The following C2CD3 variants were observed in gnomAD, a reference collection of about 807,000 sequenced individuals.
C2CD3 encodes C2 domain-containing protein 3.
In C2CD3, 148 loss-of-function variants were observed where a neutral mutation model predicts 234.0. That is an observed-to-expected ratio of 0.63 (90% CI 0.55 to 0.72). C2CD3 has a LOEUF of 0.72. C2CD3 is among the 30% of genes least tolerant of loss of function. The pLI, the probability that C2CD3 is intolerant of heterozygous loss-of-function variation, is 0.00. For synonymous variants in C2CD3, 1,000 were observed against 1,035.4 expected (o/e 0.97, Z 0.66); for missense variants, 2,577 against 2,811.5 (o/e 0.92, Z 1.89).
chr11:74,050,282 T>C (rs17132632), intron 26 of C2CD3, among the ~76,000 whole-genome samples: 12,245 of 152,242 alleles, frequency 0.08, 1,491 homozygotes, highest in African/African-American at 0.27. Flanking sequence ...AACAAAGTGA[T>C]GCAAATTAAA....
At chr11:74,090,335 C>G (rs1955834432) in intron 20 of C2CD3, among the ~76,000 whole-genome samples, 1 of 152,146 alleles carries the variant, frequency 6.6e-6, no homozygotes, top group Non-Finnish European at 1.5e-5. Context: ...TCGAGATCAG[C>G]CTGACCAACA....
intron 2 of C2CD3, among the ~76,000 whole-genome samples, chr11:74,164,537 C>G (rs1331641170): frequency 6.6e-6 from 1 of 152,104 alleles, no homozygotes; most frequent in Non-Finnish European, 1.5e-5. Flanking sequence ...CTCTTTGAAC[C>G]TCAAATTCGT....
intron 5 of C2CD3, among the ~76,000 whole-genome samples, chr11:74,138,165 G>A (rs1043931544): frequency 2.0e-5 from 3 of 152,094 alleles, no homozygotes; most frequent in African/African-American, 7.2e-5. Flanking sequence ...CTTAACATGA[G>A]GTAATCTAAT....
chr11:74,059,957 A>G (rs1954151425), intron 24 of C2CD3, among the ~76,000 whole-genome samples: 1 of 152,282 alleles, frequency 6.6e-6, no homozygotes, highest in Admixed American at 6.5e-5. Context: ...CAAACGGCAC[A>G]CCAGGAGACT....
At chr11:74,166,083 A>C (rs952285155) in intron 2 of C2CD3, among the ~76,000 whole-genome samples, 1 of 151,982 alleles carries the variant, frequency 6.6e-6, no homozygotes, top group Non-Finnish European at 1.5e-5. Flanking sequence ...GGCTGAGGCG[A>C]GCAGATCGTG....
intron 32 of C2CD3, among the ~76,000 whole-genome samples, chr11:74,015,029 CT>C (rs1467889505): frequency 6.6e-6 from 1 of 152,236 alleles, no homozygotes; most frequent in Non-Finnish European, 1.5e-5. Flanking sequence ...AGGAAACCCA[CT>C]TTTTGCTGGT....
Position 74,034,313 on chromosome 11 carries a change from T to C in C2CD3, c.5882-35A>G, listed in dbSNP as rs1232336239. ...AACACATATCACTCTTATTACAAGG[T>C]AGGGCCACAGACCCCTCAAATTTCC... On this transcript the variant is annotated intron_variant, in intron 30 of 32. Coordinates refer to ENST00000334126, the MANE Select transcript of C2CD3 (RefSeq NM_001286577.2). 1.1e-5 allele frequency: 16 copies of C among 1,513,342 alleles called. No individual in the cohort carries two copies. In the South Asian group the frequency reaches 1.9e-4, roughly 18 times the overall value. 93.7% of individuals were successfully genotyped at this position (1,513,342 alleles called of 1,614,324 possible). A position where few individuals can be genotyped will look rare whatever the true frequency, so the allele number is the denominator to read the frequency against.
At chr11:74,049,239 C>A in intron 27 of C2CD3, 98 bp downstream of exon 27, 1 of 958,578 alleles carries the variant, frequency 1.0e-6, no homozygotes, top group Non-Finnish European at 1.6e-6. Flanking sequence ...TAGTATATAA[C>A]GTATTCTATA....
chr11:74,132,795 G>C lies in C2CD3; in HGVS notation c.1217+49C>G, dbSNP rs755405296. On this transcript the variant is annotated intron_variant, in intron 7 of 32. Transcript: ENST00000334126. ...TGAATCTGATAACAATGCATACTAT[G>C]AATTGGAGGAAGAGTTTAAAAGGAA... The C allele has an allele frequency of 6.7e-5, 106 of 1,576,316 alleles. 1 individual carries two copies. Among genetic ancestry groups the C allele is most frequent in the Non-Finnish European group, 3.5e-5 (40 of 1,151,628 alleles).
intron 29 of C2CD3, among the ~76,000 whole-genome samples, chr11:74,039,742 C>A (rs1352707738): frequency 6.6e-6 from 1 of 152,150 alleles, no homozygotes; most frequent in African/African-American, 2.4e-5. Flanking sequence ...AGGGATGCAG[C>A]TAAACAACCT....
rs73557906 is a variant in C2CD3, at chr11:74,048,411, G to A, written c.5362-73C>T. The stretch of plus-strand genomic sequence containing the variant: ...TCGTAACAAAGCAGTATATAAATAA[G>A]TTTGTAAAATTTATTGTGTGCATTT... On this transcript the variant is annotated intron_variant, in intron 27 of 32. Transcript: ENST00000334126. The A allele has an allele frequency of 0.033, 49,086 of 1,488,454 alleles. 4,031 individuals carry two copies. The highest frequency in any genetic ancestry group is 0.32 in the African/African-American group (22,772 of 70,812). The allele number at this position is 1,488,454 out of a possible 1,614,324, so 92.2% of individuals were successfully genotyped here. A position where few individuals can be genotyped will look rare whatever the true frequency, so the allele number is the denominator to read the frequency against.
chr11:74,124,176 T>C (rs1385732877), intron 7 of C2CD3, among the ~76,000 whole-genome samples: 21 of 152,202 alleles, frequency 1.4e-4, no homozygotes, highest in Admixed American at 1.3e-3. Context: ...AACTTAATGA[T>C]TTCTTAATGA....
rs1405451697 is a variant in C2CD3 at position 74,037,493 on chromosome 11, T to C, written c.5866A>G (p.Ser1956Gly). Residue 1956 changes from serine (S) to glycine (G), a missense_variant, in exon 30 of 33, where the codon AGC becomes GGC. Ser to Gly is a moderately conservative substitution (Grantham distance 56). Transcript: ENST00000334126. ...TGAGTCATACCTGTGATTAAGGAGCTGACTTGCAACACCAGGTTACTGGAT... is the reference window on the plus strand; with the variant it reads ...TGAGTCATACCTGTGATTAAGGAGCCGACTTGCAACACCAGGTTACTGGAT... ...EKSSNLVLQV[S>G]SLITDLQTIT... is the part of the protein sequence containing the mutation. 1.2e-6 allele frequency: 2 copies of C among 1,613,676 alleles called. No homozygotes were observed. The highest frequency in any genetic ancestry group is 1.7e-6 in the Non-Finnish European group (2 of 1,179,744).
chr11:74,033,064 C>G (rs193265918), intron 31 of C2CD3, among the ~76,000 whole-genome samples: 2 of 152,086 alleles, frequency 1.3e-5, no homozygotes, highest in Admixed American at 1.3e-4. Flanking sequence ...CCTTAGATCC[C>G]AAGCCTTGCC....
In C2CD3 at chr11:74,074,523, G is replaced by A; in HGVS notation, c.4681C>T (p.Leu1561Phe). ...ALRVHVVLSS[L>F]SSHLEPTHEL... ...TGAGTGGGCTCAAGGTGTGAGGAAA[G>A]AGAGGAAAGAACCACATGAACTCGC... Residue 1561 changes from leucine (L) to phenylalanine (F), a missense_variant, in exon 24 of 33, where the codon CTT (leucine) becomes TTT (phenylalanine). Leu to Phe is a conservative substitution (Grantham distance 22). Coordinates refer to ENST00000334126, the MANE Select transcript of C2CD3 (RefSeq NM_001286577.2). 1 of 1,614,216 alleles carries A rather than the reference G, an allele frequency of 6.2e-7. No individual in the cohort carries two copies. The highest frequency in any genetic ancestry group is 8.5e-7 in the Non-Finnish European group (1 of 1,180,016).
chr11:74,148,174 T>G (rs1331357114), intron 3 of C2CD3, among the ~76,000 whole-genome samples: 1 of 152,154 alleles, frequency 6.6e-6, no homozygotes, highest in Non-Finnish European at 1.5e-5. Flanking sequence ...GTTATGAAAC[T>G]GAATAAAAAC....
chr11:74,126,098 G>C (rs1957405913), intron 7 of C2CD3, among the ~76,000 whole-genome samples: 1 of 152,120 alleles, frequency 6.6e-6, no homozygotes, highest in African/African-American at 2.4e-5. Flanking sequence ...TGAGACTATG[G>C]ATAAATAAAG....
At chr11:74,152,420 G>C (rs1195764435) in intron 3 of C2CD3, among the ~76,000 whole-genome samples, 1 of 152,044 alleles carries the variant, frequency 6.6e-6, no homozygotes, top group East Asian at 1.9e-4. Flanking sequence ...TTCCCCATAA[G>C]GAAAAATCCA....
chr11:74,170,200 A>AT (rs1257055114), intron 1 of C2CD3, among the ~76,000 whole-genome samples: 2 of 152,114 alleles, frequency 1.3e-5, no homozygotes, highest in East Asian at 3.9e-4. Context: ...CACACCTGTC[A>AT]TTCCCCACTC....
Sources: gnomAD v4.1 joint callset for allele counts (sites outside exome capture counted in the v4.1 genomes callset) on GRCh38, gnomAD v4.1.1 for gene constraint, MANE v1.5 for transcripts, NCBI Gene and HGNC (gene_info 2026-07-23, HGNC 2026-07-21) for gene names.